The following ENOX1 variants were observed in gnomAD, a reference collection of about 807,000 sequenced individuals.
ENOX1 encodes ecto-NOX disulfide-thiol exchanger 1.
In ENOX1, 42 loss-of-function variants were observed where a neutral mutation model predicts 82.5. The observed-to-expected ratio is 0.51, with a 90% CI of 0.40 to 0.66. The LOEUF is 0.66. ENOX1 is among the 30% of genes least tolerant of loss of function. The pLI, the probability that ENOX1 is intolerant of heterozygous loss-of-function variation, is 0.00. For synonymous variants in ENOX1, 271 were observed against 282.2 expected (o/e 0.96, Z 0.40); for missense variants, 608 against 811.6 (o/e 0.75, Z 3.05).
intron 15 of ENOX1, among the ~76,000 whole-genome samples, chr13:43,225,208 C>A (rs1254549449): frequency 6.6e-6 from 1 of 152,184 alleles, no homozygotes; most frequent in African/African-American, 2.4e-5. Context: ...GGGAGCTTAA[C>A]AGTGGGTACT....
At chr13:43,359,773 G>T in intron 7 of ENOX1, 78 bp downstream of exon 7, 4 of 1,359,620 alleles carry the variant, frequency 2.9e-6, no homozygotes, top group Non-Finnish European at 4.2e-6. Context: ...TTGCATGAAG[G>T]CCAAAGGGAA....
intron 2 of ENOX1, among the ~76,000 whole-genome samples, chr13:43,506,003 C>T (rs1009511896): frequency 6.6e-6 from 1 of 151,904 alleles, no homozygotes; most frequent in East Asian, 1.9e-4. Flanking sequence ...ATTTATTAAA[C>T]AGGGAATCTT....
intron 2 of ENOX1, among the ~76,000 whole-genome samples, chr13:43,602,604 G>A (rs2081775968): frequency 6.6e-6 from 1 of 152,002 alleles, no homozygotes; most frequent in African/African-American, 2.4e-5. Context: ...ATATAAATTG[G>A]ACTAACCATT....
At chr13:43,647,205 AG>A (rs1417720131) in intron 2 of ENOX1, among the ~76,000 whole-genome samples, 1 of 152,248 alleles carries the variant, frequency 6.6e-6, no homozygotes, top group Non-Finnish European at 1.5e-5. Flanking sequence ...CTCCTGGCTC[AG>A]TCACTTAGGC....
At chr13:43,418,902 G>A (rs192398385) in intron 3 of ENOX1, among the ~76,000 whole-genome samples, 482 of 152,296 alleles carry the variant, frequency 3.2e-3, no homozygotes, top group Non-Finnish European at 5.2e-3. Context: ...TCAAGTCTAT[G>A]AAAATACTAT....
At chr13:43,351,505 C>G (rs2049795415) in intron 8 of ENOX1, among the ~76,000 whole-genome samples, 1 of 147,252 alleles carries the variant, frequency 6.8e-6, no homozygotes, top group African/African-American at 2.5e-5. Flanking sequence ...ATACATGTGC[C>G]ATGCTGGTGC....
rs2056700135 is a variant in ENOX1, at chr13:43,447,257, G to A, written c.-74-34269C>T. Among the ~76,000 whole-genome samples the A allele has an allele frequency of 2.6e-5, 4 of 152,206 alleles. No individual in the cohort carries two copies. In the South Asian group the frequency reaches 8.3e-4, roughly 32 times the overall value. The stretch of plus-strand genomic sequence containing the variant: ...GGCCCAGCACAGTGCCTGACATATA[G>A]TAGGCTTGATAAATATTTGCTGAAC... On this transcript the variant is annotated intron_variant, in intron 3 of 16. Coordinates refer to ENST00000690772, the MANE Select transcript of ENOX1 (RefSeq NM_001347969.2).
At chr13:43,434,900 G>A (rs2055898194) in intron 3 of ENOX1, among the ~76,000 whole-genome samples, 2 of 144,586 alleles carry the variant, frequency 1.4e-5, no homozygotes, top group East Asian at 4.1e-4. Context: ...ACTGTTCTAC[G>A]TGTCCTTTTA....
chr13:43,756,854 A>T (rs946896025), intron 1 of ENOX1, among the ~76,000 whole-genome samples: 1 of 151,448 alleles, frequency 6.6e-6, no homozygotes, highest in Non-Finnish European at 1.5e-5. Context: ...TCACAGGTAA[A>T]TGTTTGTAAA....
At chr13:43,777,093 G>A (rs929122823) in intron 1 of ENOX1, among the ~76,000 whole-genome samples, 7 of 152,178 alleles carry the variant, frequency 4.6e-5, no homozygotes, top group East Asian at 1.9e-4. Context: ...AAAAAGGTTC[G>A]CTTGTTGCCA....
chr13:43,756,997 T>C (rs1265878000), intron 1 of ENOX1, among the ~76,000 whole-genome samples: 1 of 126,990 alleles, frequency 7.9e-6, no homozygotes, highest in Admixed American at 7.7e-5. Context: ...AAAAAAAAGC[T>C]GGATAATTTT....
chr13:43,749,400 T>C (rs2153830453), intron 1 of ENOX1, among the ~76,000 whole-genome samples: 1 of 152,354 alleles, frequency 6.6e-6, no homozygotes, highest in East Asian at 1.9e-4. Context: ...TGGCAACAGA[T>C]CTATGAATTA....
chr13:43,418,337 G>A (rs1416862624), intron 3 of ENOX1, among the ~76,000 whole-genome samples: 1 of 152,190 alleles, frequency 6.6e-6, no homozygotes, highest in Non-Finnish European at 1.5e-5. Context: ...AGACTGGCCT[G>A]GCCAACGTGG....
At chr13:43,373,581 C>T (rs1167035263) in intron 5 of ENOX1, among the ~76,000 whole-genome samples, 1 of 152,184 alleles carries the variant, frequency 6.6e-6, no homozygotes, top group African/African-American at 2.4e-5. Context: ...TACCCACACA[C>T]ATACACATAC....
intron 1 of ENOX1, among the ~76,000 whole-genome samples, chr13:43,680,988 AAG>A (rs1162413828): frequency 6.6e-6 from 1 of 152,120 alleles, no homozygotes; most frequent in Non-Finnish European, 1.5e-5. Context: ...AAAGGAGAGA[AAG>A]AGAGAGCAAA....
chr13:43,710,323 G>A (rs760963564), intron 1 of ENOX1, among the ~76,000 whole-genome samples: 2 of 151,960 alleles, frequency 1.3e-5, no homozygotes, highest in Non-Finnish European at 2.9e-5. Flanking sequence ...ACATATGAAA[G>A]TAATCCATCA....
intron 3 of ENOX1, among the ~76,000 whole-genome samples, chr13:43,451,170 T>C (rs186038607): frequency 1.3e-5 from 2 of 152,292 alleles, no homozygotes; most frequent in East Asian, 1.9e-4. Context: ...GGACCTTACA[T>C]ACCGAGTCTT....
At chr13:43,635,946 T>C (rs2083397287) in intron 2 of ENOX1, among the ~76,000 whole-genome samples, 1 of 152,064 alleles carries the variant, frequency 6.6e-6, no homozygotes, top group Non-Finnish European at 1.5e-5. Context: ...TATCAATCAA[T>C]GGGGAAGAAG....
chr13:43,745,995 T>C (rs1252080295), intron 1 of ENOX1, among the ~76,000 whole-genome samples: 1 of 152,172 alleles, frequency 6.6e-6, no homozygotes, highest in Admixed American at 6.6e-5. Context: ...GGTATGTCTT[T>C]ATTAGCAGCA....
Sources: allele counts gnomAD v4.1 joint callset (sites outside exome capture counted in the v4.1 genomes callset), GRCh38; gene constraint gnomAD v4.1.1; transcripts MANE v1.5; gene names NCBI Gene and HGNC (gene_info 2026-07-23, HGNC 2026-07-21).